The following ZNF217 variants were observed in gnomAD, a reference collection of about 807,000 sequenced individuals.
The protein encoded by ZNF217 is zinc finger protein 217.
ZNF217 carries 12 observed loss-of-function variants against 73.3 expected under a neutral mutation model. The ratio of observed to expected loss-of-function variants is 0.16; its 90% CI spans 0.10 to 0.27. The LOEUF (loss-of-function observed/expected upper bound fraction) is 0.27, where lower values mean the gene tolerates loss of function less well. Ranked by LOEUF, ZNF217 falls within the 10% of genes least tolerant of loss-of-function variation. ZNF217 has a pLI of 1.00. For missense variants in ZNF217, 1,195 were observed against 1,327.8 expected (o/e 0.90, Z 1.55); for synonymous variants, 588 against 516.4 (o/e 1.14, Z -1.88).
In ZNF217 at chr20:53,581,149, C is replaced by A. The variant is rs1033447515; in HGVS notation, c.1366+312G>T. Among the ~76,000 whole-genome samples, 3 of 152,072 alleles carry A rather than the reference C, an allele frequency of 2.0e-5. No individual in the cohort carries two copies. The highest frequency in any genetic ancestry group is 4.4e-5 in the Non-Finnish European group (3 of 68,020). On this transcript the variant is annotated intron_variant, in intron 2 of 5. Transcript: ENST00000371471. The surrounding 1 kb of genome is among the most constrained non-coding windows in gnomAD (Gnocchi z 4.9). Reference sequence around the variant, plus strand: ...CCAGTTAAGAAGCAGTGCATTTGGGCTGGATGCACAAGTTATTTTTTTTTT... The same window carrying A: ...CCAGTTAAGAAGCAGTGCATTTGGGATGGATGCACAAGTTATTTTTTTTTT...
At chr20:53,592,194 G>A (rs1177974906) in intron 1 of ZNF217, among the ~76,000 whole-genome samples, 1 of 152,128 alleles carries the variant, frequency 6.6e-6, no homozygotes, top group Non-Finnish European at 1.5e-5. Flanking sequence ...GACACACAGT[G>A]GCCAATAATA....
chr20:53,592,630 C>G (rs1988919288), intron 1 of ZNF217, among the ~76,000 whole-genome samples: 1 of 150,854 alleles, frequency 6.6e-6, no homozygotes, highest in Non-Finnish European at 1.5e-5. Context: ...GACCCAGGTT[C>G]CGGCGCGCGC....
chr20:53,571,969 A>C, intron 4 of ZNF217, 116 bp from the exon 5 acceptor site: 1 of 1,020,854 alleles, frequency 9.8e-7, no homozygotes, highest in Non-Finnish European at 1.4e-6. Context: ...ATCAACGCCT[A>C]AGTCACACAG....
intron 5 of ZNF217, among the ~76,000 whole-genome samples, chr20:53,570,669 C>T (rs1987955580): frequency 6.6e-6 from 1 of 152,196 alleles, no homozygotes; most frequent in Admixed American, 6.5e-5. Context: ...CGGCGGTGCA[C>T]TACAGTGAGA....
Position 53,576,942 on chromosome 20 carries a change from C to T in ZNF217, c.1822G>A (p.Asp608Asn), listed in dbSNP as rs532790494. The change falls in exon 4 of 6, where the codon GAT becomes AAT. Residue 608 changes from aspartate (D) to asparagine (N), a missense_variant. Transcript: ENST00000371471. ...TTATTCACTTTATCAGCACTGTCAT[C>T]AGCTGCATTTTTATGGAAATCCTGA... ...DTQDFHKNAA[D>N]DSADKVNKNP... 8.7e-6 allele frequency: 14 copies of T among 1,614,212 alleles called. 1 individual carries two copies. The South Asian group carries it at 1.3e-4, about 15-fold the overall frequency.
chr20:53,579,031 CAA>C (rs952590479), intron 2 of ZNF217, among the ~76,000 whole-genome samples: 1 of 152,190 alleles, frequency 6.6e-6, no homozygotes, highest in East Asian at 1.9e-4. Flanking sequence ...CAAAATTTAG[CAA>C]AGTTTTGGAA....
chr20:53,569,311 C>T, intron 5 of ZNF217, 47 bp from the exon 6 acceptor site: 1 of 1,217,946 alleles, frequency 8.2e-7, no homozygotes, highest in South Asian at 1.5e-5. Flanking sequence ...AAACTGAATA[C>T]AGTTTAGAAA....
Position 53,581,696 on chromosome 20 carries a change from G to A in ZNF217, c.1131C>T (p.Cys377=). 1 of 1,614,276 alleles carries A rather than the reference G, an allele frequency of 6.2e-7. No individual in the cohort carries two copies. Among genetic ancestry groups the A allele is most frequent in the Non-Finnish European group, 8.5e-7 (1 of 1,180,048 alleles). Residue 377 remains cysteine (C), a synonymous_variant, in exon 2 of 6, where the codon TGC becomes TGT. Transcript: ENST00000371471. The surrounding 1 kb of genome is among the most constrained non-coding windows in gnomAD (Gnocchi z 4.9). The stretch of plus-strand genomic sequence containing the variant: ...TTCTGAAAGCTTTGCCGCACTCGGA[G>A]CAGTGAGTGGGCTTCTCCTTGCTAC... ...LPSSKEKPTH[C]SECGKAFRTY...
chr20:53,584,156 T>C (rs1478827460), intron 1 of ZNF217, among the ~76,000 whole-genome samples: 2 of 152,244 alleles, frequency 1.3e-5, no homozygotes, highest in Non-Finnish European at 2.9e-5. Context: ...CTAAAGCCAA[T>C]ACCCTCTGCC....
In ZNF217 at chr20:53,581,531, T is replaced by A. The variant is rs770830297; in HGVS notation, c.1296A>T (p.Gly432=). ...PDLAAPLDEN[G]AVDRGEGGSE... is the part of the protein sequence containing the mutation. ...AACCACCTTCCCCTCGATCCACGGC[T>A]CCATTTTCATCCAGAGGGGCGGCGA... Residue 432 remains glycine (G), a synonymous_variant, in exon 2 of 6, where the codon GGA becomes GGT. Transcript: ENST00000371471. This position sits in a 1 kb window ranked among gnomAD's most constrained non-coding sequence, Gnocchi z 4.9. 6.2e-7 allele frequency: 1 copy of A among 1,613,998 alleles called. No homozygotes were observed. The highest frequency in any genetic ancestry group is 1.7e-5 in the Admixed American group (1 of 60,000).
At chr20:53,595,010 A>C (rs1432824499), upstream of ZNF217, among the ~76,000 whole-genome samples, 9 of 148,738 alleles carry the variant, frequency 6.1e-5, no homozygotes, top group African/African-American at 2.0e-4. Flanking sequence ...TTTTGATAGA[A>C]ATCCATTTGG....
chr20:53,575,689 T>C lies in ZNF217; in HGVS notation c.3037+38A>G, dbSNP rs929246063. On this transcript the variant is annotated intron_variant, in intron 4 of 5. Coordinates refer to ENST00000371471, the MANE Select transcript of ZNF217 (RefSeq NM_006526.3). ...TGCCTGGATTAGCTATTAATCACTGTAGGCAGCCATTTAAACACGACGCCC... is the reference window on the plus strand; with the variant it reads ...TGCCTGGATTAGCTATTAATCACTGCAGGCAGCCATTTAAACACGACGCCC... 4.6e-5 allele frequency: 69 copies of C among 1,515,120 alleles called. 2 individuals carry two copies. Among genetic ancestry groups the C allele is most frequent in the Non-Finnish European group, 4.9e-5 (55 of 1,133,194 alleles). The allele number at this position is 1,515,120 out of a possible 1,614,324, so 93.9% of individuals were successfully genotyped here.
At chr20:53,573,486 A>G (rs138186123) in intron 4 of ZNF217, among the ~76,000 whole-genome samples, 1,724 of 148,084 alleles carry the variant, frequency 0.012, 35 homozygotes, top group African/African-American at 0.04. Flanking sequence ...ACAGAGTCTC[A>G]CTCTTTAGCC....
rs1463781330 is a variant in ZNF217, at chr20:53,581,391, T to A, written c.1366+70A>T. On this transcript the variant is annotated intron_variant, in intron 2 of 5. Coordinates refer to ENST00000371471, the MANE Select transcript of ZNF217 (RefSeq NM_006526.3). The surrounding 1 kb of genome is among the most constrained non-coding windows in gnomAD (Gnocchi z 4.9). ...GGCCAGCGTTGTCTGGAGATGGGAA[T>A]AGAGAGGGGGAGACGGGGAGACAGA... The A allele has an allele frequency of 1.3e-6, 2 of 1,519,080 alleles. No homozygotes were observed. Among genetic ancestry groups the A allele is most frequent in the East Asian group, 4.5e-5 (2 of 44,044 alleles). The allele number at this position is 1,519,080 out of a possible 1,614,324, so 94.1% of individuals were successfully genotyped here.
chr20:53,575,738 G>T lies in ZNF217; in HGVS notation c.3026C>A (p.Ser1009Ter). Residue 1009 changes from serine (S) to a stop codon, truncating the protein, a stop_gained, in exon 4 of 6, where the codon TCG (serine) becomes TAG (stop). Coordinates refer to ENST00000371471, the MANE Select transcript of ZNF217 (RefSeq NM_006526.3). LOFTEE classifies it high-confidence loss of function. ...CVPAGSPASS[S>*]TLEGKRPVSY... Reference sequence around the variant, plus strand: ...CCCTCATGCAATACCTTCTAACGTCGAGCTGGATGCTGGACTACCAGCAGG... The same window carrying T: ...CCCTCATGCAATACCTTCTAACGTCTAGCTGGATGCTGGACTACCAGCAGG... 1 of 1,581,798 alleles carries T rather than the reference G, an allele frequency of 6.3e-7. No individual in the cohort carries two copies.
At chr20:53,580,637 A>C (rs184512227) in intron 2 of ZNF217, among the ~76,000 whole-genome samples, 63 of 152,296 alleles carry the variant, frequency 4.1e-4, no homozygotes, top group Admixed American at 2.5e-3. Flanking sequence ...CTCTTTCTAT[A>C]AATGCCACTA....
chr20:53,587,407 G>A lies in ZNF217; in HGVS notation c.-342-4239C>T, dbSNP rs1397109220. On this transcript the variant is annotated intron_variant, in intron 1 of 5. Coordinates refer to ENST00000371471, the MANE Select transcript of ZNF217 (RefSeq NM_006526.3). Reference sequence around the variant, plus strand: ...ACTAACTAGGTACAACAGCCACTTTGCTGACAATTACTGTAACTTGGGAAT... The same window carrying A: ...ACTAACTAGGTACAACAGCCACTTTACTGACAATTACTGTAACTTGGGAAT... Among the ~76,000 whole-genome samples the A allele has an allele frequency of 7.2e-5, 11 of 152,252 alleles. No individual in the cohort carries two copies. In the South Asian group the frequency reaches 8.3e-4, roughly 11 times the overall value.
Position 53,576,849 on chromosome 20 carries a change from G to A in ZNF217, c.1915C>T (p.Leu639Phe), listed in dbSNP as rs901679183. ...RSAVETQANN[L>F]ICRTKADVTP... ...ACATCCGCCTTGGTTCTACAGATGA[G>A]GTTATTTGCCTGAGTTTCAACTGCT... is the stretch of plus-strand genomic sequence containing the variant. Residue 639 changes from leucine to phenylalanine, a missense_variant, in exon 4 of 6, where the codon CTC (leucine) becomes TTC (phenylalanine). Transcript: ENST00000371471. The A allele has an allele frequency of 6.2e-7, 1 of 1,614,172 alleles. No individual in the cohort carries two copies.
chr20:53,577,175 G>A lies in ZNF217; in HGVS notation c.1589C>T (p.Ala530Val), dbSNP rs908143339. The change falls in exon 4 of 6, where the codon GCT becomes GTT. Residue 530 changes from alanine (A) to valine (V), a missense_variant. Physicochemically the swap from Ala to Val is moderately conservative, Grantham distance 64. Coordinates refer to ENST00000371471, the MANE Select transcript of ZNF217 (RefSeq NM_006526.3). ...TTTACCATCGTTCTTGACTTCAGCA[G>A]CAACATCGGTTTGTTTTTCCTTGTG... ...RHHKEKQTDV[A>V]AEVKNDGKNQ... The A allele has an allele frequency of 6.2e-7, 1 of 1,613,432 alleles. No individual in the cohort carries two copies. The highest frequency in any genetic ancestry group is 1.3e-5 in the African/African-American group (1 of 74,934).
Sources: gnomAD v4.1 joint callset for allele counts (sites outside exome capture counted in the v4.1 genomes callset) on GRCh38, gnomAD v4.1.1 for gene constraint, Gnocchi (gnomAD v3.1) non-coding constraint, MANE v1.5 for transcripts, NCBI Gene and HGNC (gene_info 2026-07-23, HGNC 2026-07-21) for gene names.